Variants in ITPRID2 observed in about 807,000 individuals in gnomAD.
ITPRID2 encodes the protein ITPR interacting domain containing 2.
Under a neutral mutation model 124.3 loss-of-function variants are expected in ITPRID2, and 60 were observed. The observed-to-expected ratio is 0.48, with a 90% CI of 0.39 to 0.60. The LOEUF is 0.60. ITPRID2 is among the 20% of genes least tolerant of loss of function. The pLI is 0.00. For synonymous variants in ITPRID2, 521 were observed against 542.9 expected (o/e 0.96, Z 0.56); for missense variants, 1,553 against 1,512.2 (o/e 1.03, Z -0.45).
chr2:181,914,943 A>G (rs886457229), intron 10 of ITPRID2, among the ~76,000 whole-genome samples: 8 of 152,134 alleles, frequency 5.3e-5, no homozygotes, highest in African/African-American at 1.9e-4. Context: ...CATTTTCTCT[A>G]TGAGTCAGTG....
At chr2:181,898,481 G>A (rs867265778) in intron 4 of ITPRID2, among the ~76,000 whole-genome samples, 12 of 151,910 alleles carry the variant, frequency 7.9e-5, no homozygotes, top group Non-Finnish European at 1.2e-4. Context: ...CACACTTAAT[G>A]TTAAATCATG....
rs763340011 is a variant in ITPRID2, at chr2:181,902,081, C to T, written c.1028C>T (p.Ser343Phe). 6.2e-7 allele frequency: 1 copy of T among 1,610,284 alleles called. No homozygotes were observed. Among genetic ancestry groups the T allele is most frequent in the Non-Finnish European group, 8.5e-7 (1 of 1,178,828 alleles). Residue 343 changes from serine (S) to phenylalanine (F), a missense_variant, in exon 8 of 18, where the codon TCT (serine) becomes TTT (phenylalanine). Ser to Phe is a radical substitution (Grantham distance 155). Transcript: ENST00000431877. This position sits in a 1 kb window ranked among gnomAD's most constrained non-coding sequence, Gnocchi z 4.4. ...AGTGGCAATAAAAACGATCAAAAGTCTCAAAAAATTATGAAGAAGAAAGAG... is the reference window on the plus strand; with the variant it reads ...AGTGGCAATAAAAACGATCAAAAGTTTCAAAAAATTATGAAGAAGAAAGAG... ...EESGNKNDQK[S>F]QKIMKKKESS... is the part of the protein sequence containing the mutation.
rs1181142539 is a variant in ITPRID2, at chr2:181,905,394, A to G, written c.1413+2928A>G. Among the ~76,000 whole-genome samples, 3 of 152,054 alleles carry G rather than the reference A, an allele frequency of 2.0e-5. No homozygotes were observed. Among genetic ancestry groups the G allele is most frequent in the South Asian group, 2.1e-4 (1 of 4,824 alleles). On this transcript the variant is annotated intron_variant, in intron 8 of 17. Coordinates refer to ENST00000431877, the MANE Select transcript of ITPRID2 (RefSeq NM_001130445.3). This position sits in a 1 kb window ranked among gnomAD's most constrained non-coding sequence, Gnocchi z 4.1. ...TATTAAATCCTGTTCTTGAATTTCT[A>G]ATTATTCCAAATGACTTGCTTCATT...
chr2:181,892,350 C>T lies in ITPRID2; in HGVS notation c.211+73C>T. ...GAGTCTCGTGCGCCCTGGGCGCCTGCCACGAGTTCTGGGAGAGCCTCGGGC... is the reference window on the plus strand; with the variant it reads ...GAGTCTCGTGCGCCCTGGGCGCCTGTCACGAGTTCTGGGAGAGCCTCGGGC... On this transcript the variant is annotated intron_variant, in intron 1 of 17. Transcript: ENST00000431877. This position sits in a 1 kb window ranked among gnomAD's most constrained non-coding sequence, Gnocchi z 5.2. The T allele has an allele frequency of 6.9e-7, 1 of 1,452,480 alleles. No individual in the cohort carries two copies. The highest frequency in any genetic ancestry group is 2.5e-5 in the East Asian group (1 of 40,254). 90.0% of individuals were successfully genotyped at this position (1,452,480 alleles called of 1,614,324 possible). A position where few individuals can be genotyped will look rare whatever the true frequency, so the allele number is the denominator to read the frequency against.
At chr2:181,909,230 C>T (rs943824255) in intron 8 of ITPRID2, among the ~76,000 whole-genome samples, 1 of 152,110 alleles carries the variant, frequency 6.6e-6, no homozygotes, top group African/African-American at 2.4e-5. Flanking sequence ...ACATACAGCT[C>T]CCAAGTTATG....
intron 11 of ITPRID2, chr2:181,918,387 C>T (rs1001807272): frequency 1.0e-5 from 14 of 1,333,664 alleles, no homozygotes; most frequent in South Asian, 4.5e-5. Context: ...CCTCCTCCCA[C>T]GTAGATTGAC....
In ITPRID2 at chr2:181,892,165, C is replaced by T; in HGVS notation, c.99C>T (p.Ser33=). 5 of 1,555,250 alleles carry T rather than the reference C, an allele frequency of 3.2e-6. No homozygotes were observed. Among genetic ancestry groups the T allele is most frequent in the Non-Finnish European group, 4.3e-6 (5 of 1,149,496 alleles). The change falls in exon 1 of 18, where the codon TCC becomes TCT. Residue 33 remains serine (S), a synonymous_variant. Coordinates refer to ENST00000431877, the MANE Select transcript of ITPRID2 (RefSeq NM_001130445.3). This position sits in a 1 kb window ranked among gnomAD's most constrained non-coding sequence, Gnocchi z 5.2. The part of the protein sequence containing the change: ...RRKAWAKCRS[S]WQASETEDLS... ...AGGCCTGGGCCAAGTGCCGCAGCTC[C>T]TGGCAAGCGTCGGAGACGGAGGATC...
At chr2:181,899,910 C>G (rs561008638) in intron 6 of ITPRID2, among the ~76,000 whole-genome samples, 2 of 152,260 alleles carry the variant, frequency 1.3e-5, no homozygotes, top group African/African-American at 4.8e-5. Flanking sequence ...AGTGCATGTG[C>G]CTATGGAATC....
chr2:181,916,524 C>T, intron 11 of ITPRID2, 97 bp downstream of exon 11: 1 of 1,394,894 alleles, frequency 7.2e-7, no homozygotes, highest in Non-Finnish European at 9.6e-7. Context: ...GTATGAACTA[C>T]CTCAGCTTTA....
Position 181,898,895 on chromosome 2 carries a change from A to G in ITPRID2, c.380A>G (p.Glu127Gly). ...SLGAEANHLH[E>G]SDAQIENCNN... ...TTACCTGTAGCCAACCACCTCCATG[A>G]AAGTGATGCTCAAATTGAAAACTGG... The change falls in exon 5 of 18, where the codon GAA becomes GGA. Residue 127 changes from glutamate (E) to glycine (G), a missense_variant. Glu to Gly is a moderately conservative substitution (Grantham distance 98, BLOSUM62 -2). Transcript: ENST00000431877. 1.9e-6 allele frequency: 3 copies of G among 1,611,920 alleles called. No individual in the cohort carries two copies. The highest frequency in any genetic ancestry group is 2.5e-6 in the Non-Finnish European group (3 of 1,178,178).
At position 181,892,764 on chromosome 2, in the gene ITPRID2, T is replaced by A; in HGVS notation, c.257+104T>A. On this transcript the variant is annotated intron_variant, in intron 2 of 17. Transcript: ENST00000431877. The surrounding 1 kb of genome is among the most constrained non-coding windows in gnomAD (Gnocchi z 5.2). ...GTCCCTGTGGGTCCCGCGACCGTTG[T>A]AAGCTACAAACCGGAAAGTGAGCCG... 1 of 1,399,846 alleles carries A rather than the reference T, an allele frequency of 7.1e-7. No homozygotes were observed. The highest frequency in any genetic ancestry group is 1.0e-6 in the Non-Finnish European group (1 of 995,128). The allele number at this position is 1,399,846 out of a possible 1,614,324, so 86.7% of individuals were successfully genotyped here. A position where few individuals can be genotyped will look rare whatever the true frequency, so the allele number is the denominator to read the frequency against.
rs1038859107 is a variant in ITPRID2 at position 181,907,681 on chromosome 2, T to A, written c.1414-2218T>A. ...TCACATAAATCTAAATTCTGTGTTC[T>A]ATATTTGCTTCATAATTCTCTGTGG... is the stretch of plus-strand genomic sequence containing the variant. On this transcript the variant is annotated intron_variant, in intron 8 of 17. Transcript: ENST00000431877. This position sits in a 1 kb window ranked among gnomAD's most constrained non-coding sequence, Gnocchi z 5.1. 2.0e-5 allele frequency among the ~76,000 whole-genome samples: 3 copies of A among 152,204 alleles called. No homozygotes were observed. Among genetic ancestry groups the A allele is most frequent in the Admixed American group, 2.0e-4 (3 of 15,284 alleles).
intron 9 of ITPRID2, among the ~76,000 whole-genome samples, chr2:181,911,804 G>T (rs1693629125): frequency 6.6e-6 from 1 of 152,174 alleles, no homozygotes; most frequent in African/African-American, 2.4e-5. Flanking sequence ...ATAGATAGAA[G>T]AATTATTATT....
rs59771443 is a variant in ITPRID2, at chr2:181,918,144, G to A, written c.2788-454G>A. The stretch of plus-strand genomic sequence containing the variant: ...CACTGTGAGAACACCTGAAGGCTGG[G>A]AATACCTTTTATGTTTTTATCTCAC... On this transcript the variant is annotated intron_variant, in intron 11 of 17. Transcript: ENST00000431877. 1,457 of 224,124 alleles carry A rather than the reference G, an allele frequency of 6.5e-3. 25 individuals carry two copies. The highest frequency in any genetic ancestry group is 0.032 in the African/African-American group (1,356 of 42,810). The allele number at this position is 224,124 out of a possible 1,614,324, so 13.9% of individuals were successfully genotyped here.
Position 181,892,121 on chromosome 2 carries a change from G to A in ITPRID2, c.55G>A (p.Val19Met). 6.4e-7 allele frequency: 1 copy of A among 1,558,776 alleles called. No individual in the cohort carries two copies. Among genetic ancestry groups the A allele is most frequent in the Non-Finnish European group, 8.7e-7 (1 of 1,152,024 alleles). Residue 19 changes from valine to methionine, a missense_variant, in exon 1 of 18, where the codon GTG (valine) becomes ATG (methionine). By Grantham distance (21) the Val-to-Met change is conservative. Coordinates refer to ENST00000431877, the MANE Select transcript of ITPRID2 (RefSeq NM_001130445.3). This position sits in a 1 kb window ranked among gnomAD's most constrained non-coding sequence, Gnocchi z 5.2. ...GGCGGAGGAGGAACTGGAGTGGCAA[G>A]TGGCGAGTCGCAGGAGGAAGGCCTG... is the stretch of plus-strand genomic sequence containing the variant. Reference protein sequence around the residue: ...AEAEEELEWQVASRRRKAWAK... With the variant: ...AEAEEELEWQMASRRRKAWAK...
In ITPRID2 at chr2:181,896,602, C is replaced by G. The variant is rs993103143; in HGVS notation, c.308-306C>G. Reference sequence around the variant, plus strand: ...ATAAGAAGAATATTTGCTCCAGGATCTGGTTTTCCATGAAACTCTTGGTAT... The same window carrying G: ...ATAAGAAGAATATTTGCTCCAGGATGTGGTTTTCCATGAAACTCTTGGTAT... On this transcript the variant is annotated intron_variant, in intron 3 of 17. Transcript: ENST00000431877. This position sits in a 1 kb window ranked among gnomAD's most constrained non-coding sequence, Gnocchi z 4.3. 2.6e-5 allele frequency among the ~76,000 whole-genome samples: 4 copies of G among 152,064 alleles called. No homozygotes were observed. In the South Asian group the frequency reaches 8.3e-4, roughly 32 times the overall value.
At position 181,901,796 on chromosome 2, in the gene ITPRID2, C is replaced by G; in HGVS notation, c.743C>G (p.Thr248Ser). ...SRFRQIEVLT[T>S]VANAFSSLYS... ...TTTCGTCAAATTGAAGTGCTTACTACTGTGGCCAATGCGTTTTCTTCTTTA... is the reference window on the plus strand; with the variant it reads ...TTTCGTCAAATTGAAGTGCTTACTAGTGTGGCCAATGCGTTTTCTTCTTTA... Residue 248 changes from threonine (T) to serine (S), a missense_variant, in exon 8 of 18, where the codon ACT becomes AGT. Coordinates refer to ENST00000431877, the MANE Select transcript of ITPRID2 (RefSeq NM_001130445.3). The G allele has an allele frequency of 6.2e-7, 1 of 1,612,964 alleles. No homozygotes were observed. Among genetic ancestry groups the G allele is most frequent in the Admixed American group, 1.7e-5 (1 of 59,874 alleles).
rs1205321442 is a variant in ITPRID2 at position 181,930,548 on chromosome 2, C to A, written c.*1001C>A. The A allele has an allele frequency of 6.6e-6, 1 of 152,452 alleles. No homozygotes were observed. Among genetic ancestry groups the A allele is most frequent in the Non-Finnish European group, 1.5e-5 (1 of 67,970 alleles). The allele number at this position is 152,452 out of a possible 1,614,324, so 9.4% of individuals were successfully genotyped here. On this transcript the variant is annotated 3_prime_UTR_variant, in exon 18 of 18. Transcript: ENST00000431877. The stretch of plus-strand genomic sequence containing the variant: ...ACCAAATGTTATTAGAATTTTTCTT[C>A]TAGCATTTATAATTTTTTCAACTCC...
intron 16 of ITPRID2, among the ~76,000 whole-genome samples, chr2:181,926,733 G>T (rs185217604): frequency 6.7e-6 from 1 of 149,348 alleles, no homozygotes; most frequent in East Asian, 2.0e-4. Context: ...AAAAAAAAGA[G>T]AATACATTTT....
Sources: allele counts gnomAD v4.1 joint callset (sites outside exome capture counted in the v4.1 genomes callset), GRCh38; gene constraint gnomAD v4.1.1; non-coding constraint Gnocchi (gnomAD v3.1); transcripts MANE v1.5; gene names NCBI Gene and HGNC (gene_info 2026-07-23, HGNC 2026-07-21).